GLI2: variants seen among roughly 807,000 people sequenced by gnomAD.
The protein encoded by GLI2 is GLI family zinc finger 2, also known as transcription activator GLI2.
A neutral mutation model predicts 78.9 loss-of-function variants in GLI2; 22 were observed. The ratio of observed to expected loss-of-function variants is 0.28; its 90% CI spans 0.20 to 0.40. The LOEUF (loss-of-function observed/expected upper bound fraction) is 0.40, where lower values mean the gene tolerates loss of function less well. Among genes scored for constraint, GLI2 ranks in the 10% least tolerant of loss-of-function variants. GLI2 has a pLI of 1.00. For synonymous variants in GLI2, 974 were observed against 963.7 expected, an observed-to-expected ratio of 1.01 and a Z score of -0.20; for missense variants, 2,097 against 2,213.2, an observed-to-expected ratio of 0.95 and a Z score of 1.05.
At chr2:120,964,798 T>C (rs1681758953) in intron 5 of GLI2, among the ~76,000 whole-genome samples, 1 of 152,244 alleles carries the variant, frequency 6.6e-6, no homozygotes, top group Admixed American at 6.5e-5. Flanking sequence ...AAAGTGTTTG[T>C]GGGACGGGAC....
intron 2 of GLI2, among the ~76,000 whole-genome samples, chr2:120,830,919 T>A (rs1183969168): frequency 6.6e-6 from 1 of 151,980 alleles, no homozygotes; most frequent in Non-Finnish European, 1.5e-5. Context: ...TGGATCACTC[T>A]GTGTCTCTGT....
In GLI2 at chr2:120,989,530, C is replaced by G; in HGVS notation, c.3565C>G (p.Gln1189Glu). ...GGLDSTQPHL[Q>E]PRSGAPSQGI... ...CCTGGACAGCACGCAGCCACACCTG[C>G]AGCCCCGCAGCGGAGCCCCCTCCCA... Residue 1189 changes from glutamine to glutamate, a missense_variant, in exon 14 of 14, where the codon CAG (glutamine) becomes GAG (glutamate). Physicochemically the swap from Gln to Glu is conservative, Grantham distance 29. Transcript: ENST00000361492. 1 of 1,612,354 alleles carries G rather than the reference C, an allele frequency of 6.2e-7. No homozygotes were observed. Among genetic ancestry groups the G allele is most frequent in the Non-Finnish European group, 8.5e-7 (1 of 1,179,706 alleles).
At chr2:120,943,254 C>T (rs1680551189) in intron 3 of GLI2, among the ~76,000 whole-genome samples, 1 of 152,076 alleles carries the variant, frequency 6.6e-6, no homozygotes, top group Non-Finnish European at 1.5e-5. Context: ...TGAGCTGGCA[C>T]CTCTGGGAGG....
chr2:120,968,291 C>T (rs1399600371), intron 5 of GLI2, among the ~76,000 whole-genome samples: 1 of 152,182 alleles, frequency 6.6e-6, no homozygotes, highest in East Asian at 1.9e-4. Flanking sequence ...GGACAATGGC[C>T]AAGCACTGTT....
At chr2:120,784,252 T>G (rs1683932336) in intron 1 of GLI2, among the ~76,000 whole-genome samples, 1 of 152,220 alleles carries the variant, frequency 6.6e-6, no homozygotes. Context: ...CACCCAGTGC[T>G]GTGCTGTGGG....
chr2:120,927,228 C>A, intron 2 of GLI2, 133 bp from the exon 3 acceptor site: 1 of 766,818 alleles, frequency 1.3e-6, no homozygotes, highest in Non-Finnish European at 2.4e-6. Context: ...TGTGTGATCG[C>A]GCGGGCACTG....
intron 3 of GLI2, among the ~76,000 whole-genome samples, chr2:120,935,088 T>C (rs1020814434): frequency 1.3e-5 from 2 of 152,212 alleles, no homozygotes; most frequent in Non-Finnish European, 2.9e-5. Context: ...GTTTGTTTTT[T>C]GGGAAGAACC....
intron 3 of GLI2, among the ~76,000 whole-genome samples, chr2:120,930,247 A>T (rs1212493102): frequency 1.3e-5 from 2 of 152,216 alleles, no homozygotes. Flanking sequence ...TGCCTTCCTC[A>T]TCATAACTGA....
intron 2 of GLI2, among the ~76,000 whole-genome samples, chr2:120,860,966 T>C (rs1687875265): frequency 6.6e-6 from 1 of 152,196 alleles, no homozygotes; most frequent in South Asian, 2.1e-4. Context: ...CACAGGAGTG[T>C]GCAATGGTGA....
intron 2 of GLI2, among the ~76,000 whole-genome samples, chr2:120,918,720 C>T (rs1045870365): frequency 5.9e-5 from 9 of 152,194 alleles, no homozygotes; most frequent in South Asian, 2.1e-4. Context: ...GGATTACAGG[C>T]GTGAGCCACT....
At chr2:120,885,312 G>A (rs781073528) in intron 2 of GLI2, among the ~76,000 whole-genome samples, 17 of 152,202 alleles carry the variant, frequency 1.1e-4, no homozygotes, top group Non-Finnish European at 1.8e-4. Context: ...GCCTGCTCCA[G>A]AGAGTGAAGC....
chr2:120,856,864 G>T (rs1345930788), intron 2 of GLI2, among the ~76,000 whole-genome samples: 1 of 108,340 alleles, frequency 9.2e-6, no homozygotes, highest in Admixed American at 9.7e-5. Context: ...GGCCTTTGGT[G>T]TGCCTGGCTC....
At chr2:120,969,096 A>G (rs931926367) in intron 6 of GLI2, among the ~76,000 whole-genome samples, 181 bp downstream of exon 6, 9 of 152,384 alleles carry the variant, frequency 5.9e-5, no homozygotes, top group African/African-American at 2.2e-4. Flanking sequence ...TCAAATTGAA[A>G]TGAGCCCATA....
At chr2:120,864,163 A>G (rs1040768818) in intron 2 of GLI2, among the ~76,000 whole-genome samples, 7 of 152,144 alleles carry the variant, frequency 4.6e-5, no homozygotes. Flanking sequence ...GTAGGATGCC[A>G]TGGTCTTCCT....
At chr2:120,865,813 G>A (rs1165866146) in intron 2 of GLI2, among the ~76,000 whole-genome samples, 1 of 152,224 alleles carries the variant, frequency 6.6e-6, no homozygotes, top group East Asian at 1.9e-4. Flanking sequence ...GCCTGCTCAT[G>A]CAGCCCCTCT....
chr2:120,977,679 C>T (rs943769581), intron 9 of GLI2, among the ~76,000 whole-genome samples: 11 of 152,206 alleles, frequency 7.2e-5, no homozygotes, highest in South Asian at 2.1e-4. Context: ...ACCCGAGATA[C>T]GCGGCAGGGT....
intron 3 of GLI2, among the ~76,000 whole-genome samples, chr2:120,933,054 G>A (rs1351373857): frequency 6.6e-6 from 1 of 152,200 alleles, no homozygotes; most frequent in East Asian, 1.9e-4. Flanking sequence ...GGCGGGAACT[G>A]TGGTGAGAGG....
chr2:120,953,279 T>A (rs2084234), intron 4 of GLI2, among the ~76,000 whole-genome samples: 2 of 151,904 alleles, frequency 1.3e-5, no homozygotes, highest in African/African-American at 4.8e-5. Context: ...AGGAGAAGGC[T>A]ATGTGAAGTC....
chr2:120,786,452 C>A (rs1240691234), intron 1 of GLI2, among the ~76,000 whole-genome samples: 2 of 151,916 alleles, frequency 1.3e-5, no homozygotes, highest in Non-Finnish European at 2.9e-5. Flanking sequence ...CCCAAAATAC[C>A]ACCCCCACCC....
Sources: gnomAD v4.1 joint callset for allele counts (sites outside exome capture counted in the v4.1 genomes callset) on GRCh38, gnomAD v4.1.1 for gene constraint, MANE v1.5 for transcripts, NCBI Gene and HGNC (gene_info 2026-07-23, HGNC 2026-07-21) for gene names.